The following INPP5A variants were observed in gnomAD, a reference collection of about 807,000 sequenced individuals.
INPP5A encodes the protein 43 kDa inositol polyphosphate 5-phophatase.
Under a neutral mutation model 65.2 loss-of-function variants are expected in INPP5A, and 14 were observed. The ratio of observed to expected loss-of-function variants is 0.21; its 90% confidence interval spans 0.14 to 0.34. The LOEUF (loss-of-function observed/expected upper bound fraction) is 0.34, where lower values mean the gene tolerates loss of function less well. Among genes scored for constraint, INPP5A ranks in the 10% least tolerant of loss-of-function variants. The pLI is 1.00. For synonymous variants in INPP5A, 207 were observed against 208.3 expected (o/e 0.99, Z 0.05); for missense variants, 431 against 545.6 (o/e 0.79, Z 2.09).
At chr10:132,764,297 G>A (rs1038242357) in intron 11 of INPP5A, among the ~76,000 whole-genome samples, 7 of 152,260 alleles carry the variant, frequency 4.6e-5, no homozygotes, top group African/African-American at 1.7e-4. Flanking sequence ...GCCCTGCACA[G>A]CTGTGGGGCC....
chr10:132,671,506 A>G (rs942898741), intron 4 of INPP5A, among the ~76,000 whole-genome samples: 1 of 151,518 alleles, frequency 6.6e-6, no homozygotes, highest in African/African-American at 2.4e-5. Context: ...CTGCTTCGGT[A>G]TCTACCTCCT....
At chr10:132,737,451 A>G (rs188000573) in intron 9 of INPP5A, among the ~76,000 whole-genome samples, 1 of 145,172 alleles carries the variant, frequency 6.9e-6, no homozygotes, top group African/African-American at 2.9e-5. Flanking sequence ...CTGTCCTCCT[A>G]CTGCCGTGGA....
At position 132,650,340 on chromosome 10, in the gene INPP5A, C is replaced by T. The variant is rs1014480786; in HGVS notation, c.219-78C>T. 3.1e-6 allele frequency: 3 copies of T among 953,484 alleles called. No homozygotes were observed. Among genetic ancestry groups the T allele is most frequent in the Non-Finnish European group, 5.1e-6 (3 of 583,674 alleles). The allele number at this position is 953,484 out of a possible 1,614,324, so 59.1% of individuals were successfully genotyped here. On this transcript the variant is annotated intron_variant, in intron 3 of 15. Transcript: ENST00000368594. The surrounding 1 kb of genome is among the most constrained non-coding windows in gnomAD (Gnocchi z 5.5). Reference sequence around the variant, plus strand: ...GATGTACCTATGTGCTGGAGCCCCTCTTATACCTTGTGGTCATCTCATGAG... The same window carrying T: ...GATGTACCTATGTGCTGGAGCCCCTTTTATACCTTGTGGTCATCTCATGAG...
intron 1 of INPP5A, among the ~76,000 whole-genome samples, chr10:132,563,334 G>A (rs949658307): frequency 3.3e-5 from 5 of 152,178 alleles, no homozygotes; most frequent in Admixed American, 2.0e-4. Context: ...CTCTGCTCTG[G>A]GGTGTGGATA....
intron 12 of INPP5A, among the ~76,000 whole-genome samples, chr10:132,776,667 G>A (rs1847069071): frequency 6.6e-6 from 1 of 152,196 alleles, no homozygotes; most frequent in South Asian, 2.1e-4. Context: ...CCCGGGGTTC[G>A]TTCACTCCAA....
At chr10:132,750,461 AC>A (rs1846455530) in intron 11 of INPP5A, among the ~76,000 whole-genome samples, 1 of 152,128 alleles carries the variant, frequency 6.6e-6, no homozygotes, top group African/African-American at 2.4e-5. Flanking sequence ...CGGCTGCTGG[AC>A]CTGCTGTTGG....
chr10:132,768,956 C>T (rs913567180), intron 12 of INPP5A, among the ~76,000 whole-genome samples: 3 of 152,242 alleles, frequency 2.0e-5, no homozygotes, highest in Admixed American at 6.5e-5. Context: ...GGGCAGGACC[C>T]TCCCGCGGGC....
chr10:132,689,292 G>C (rs1845214568), intron 4 of INPP5A, among the ~76,000 whole-genome samples: 1 of 152,114 alleles, frequency 6.6e-6, no homozygotes, highest in South Asian at 2.1e-4. Flanking sequence ...GTAACGGTTG[G>C]GCTCCCTGCA....
intron 11 of INPP5A, among the ~76,000 whole-genome samples, chr10:132,763,643 G>A (rs563220449): frequency 7.2e-6 from 1 of 138,028 alleles, no homozygotes; most frequent in East Asian, 2.5e-4. Flanking sequence ...AAACATGCCT[G>A]CATGCACACA....
chr10:132,657,873 C>T (rs1362357637), intron 4 of INPP5A, among the ~76,000 whole-genome samples: 1 of 152,202 alleles, frequency 6.6e-6, no homozygotes, highest in African/African-American at 2.4e-5. Flanking sequence ...TGAGAGGGGG[C>T]GAGATTGGTT....
In INPP5A at chr10:132,782,204, T is replaced by G; in HGVS notation, c.*175T>G. 1 of 863,854 alleles carries G rather than the reference T, an allele frequency of 1.2e-6. No homozygotes were observed. The highest frequency in any genetic ancestry group is 1.8e-6 in the Non-Finnish European group (1 of 553,784). The allele number at this position is 863,854 out of a possible 1,614,324, so 53.5% of individuals were successfully genotyped here. ...CGGACCATTCCGGAGCAGCCTCACA[T>G]ACCTCACTGTCTCGTCTGTCTATGT... On this transcript the variant is annotated 3_prime_UTR_variant, in exon 16 of 16. Transcript: ENST00000368594. This position sits in a 1 kb window ranked among gnomAD's most constrained non-coding sequence, Gnocchi z 4.4.
intron 11 of INPP5A, among the ~76,000 whole-genome samples, chr10:132,751,476 C>T (rs757937216): frequency 6.6e-5 from 10 of 152,254 alleles, no homozygotes; most frequent in African/African-American, 1.7e-4. Flanking sequence ...CTGTGGCTCC[C>T]GCTGCCCCTC....
At chr10:132,640,003 T>C (rs79723527) in intron 2 of INPP5A, among the ~76,000 whole-genome samples, 2,270 of 152,346 alleles carry the variant, frequency 0.015, 31 homozygotes, top group South Asian at 0.038. Flanking sequence ...TGGAGCATGT[T>C]GTAGTTGTTG....
intron 2 of INPP5A, among the ~76,000 whole-genome samples, chr10:132,623,981 A>T (rs911469113): frequency 1.3e-5 from 2 of 152,222 alleles, no homozygotes; most frequent in Admixed American, 6.5e-5. Flanking sequence ...CTAAAATTCA[A>T]TTGGCTGTAA....
At position 132,692,234 on chromosome 10, in the gene INPP5A, A is replaced by C. The variant is rs141750887; in HGVS notation, c.370+1779A>C. 1.9e-3 allele frequency among the ~76,000 whole-genome samples: 293 copies of C among 152,332 alleles called. 3 individuals are homozygous for C. The highest frequency in any genetic ancestry group is 5.8e-3 in the African/African-American group (243 of 41,574). ...AGCTGGAAGGTGTTAGAAACTTCAC[A>C]AACTGAAAAGCAAGAAGAAATGAGA... is the stretch of plus-strand genomic sequence containing the variant. On this transcript the variant is annotated intron_variant, in intron 5 of 15. Transcript: ENST00000368594.
intron 9 of INPP5A, among the ~76,000 whole-genome samples, chr10:132,746,319 G>A (rs1846371026): frequency 6.6e-6 from 1 of 152,244 alleles, no homozygotes; most frequent in South Asian, 2.1e-4. Flanking sequence ...CTGAGAGGAT[G>A]TGTTTGCCTT....
intron 2 of INPP5A, among the ~76,000 whole-genome samples, chr10:132,631,383 G>C (rs1295106859): frequency 6.6e-6 from 1 of 152,168 alleles, no homozygotes; most frequent in African/African-American, 2.4e-5. Context: ...CTGGAGAGGA[G>C]AGCCCCCACC....
Position 132,555,794 on chromosome 10 carries a change from A to C in INPP5A, c.75+17623A>C, listed in dbSNP as rs373716528. Among the ~76,000 whole-genome samples the C allele has an allele frequency of 5.3e-5, 8 of 152,176 alleles. No homozygotes were observed. The East Asian group carries it at 5.8e-4, about 11-fold the overall frequency. On this transcript the variant is annotated intron_variant, in intron 1 of 15. Transcript: ENST00000368594. The surrounding 1 kb of genome is among the most constrained non-coding windows in gnomAD (Gnocchi z 4.4). ...TGCAGGGTGTTTTGTTGCCCTCAGC[A>C]CGTGTGGTCTGCACAGACAGACCAG...
intron 3 of INPP5A, 83 bp downstream of exon 3, chr10:132,646,051 T>C: frequency 1.2e-6 from 1 of 831,802 alleles, no homozygotes. Flanking sequence ...GGTACTATGA[T>C]CACCAGCCTC....
Sources: gnomAD v4.1 joint callset for allele counts (sites outside exome capture counted in the v4.1 genomes callset) on GRCh38, gnomAD v4.1.1 for gene constraint, Gnocchi (gnomAD v3.1) non-coding constraint, MANE v1.5 for transcripts, NCBI Gene and HGNC (gene_info 2026-07-23, HGNC 2026-07-21) for gene names.